Variants in BBS4 observed in about 807,000 individuals in gnomAD.
BBS4 encodes Bardet-Biedl syndrome 4, also known as BBSome complex member BBS4.
BBS4 carries 58 observed loss-of-function variants against 71.4 expected under a neutral mutation model. That is an observed-to-expected ratio of 0.81 (90% CI 0.66 to 1.01). The LOEUF (loss-of-function observed/expected upper bound fraction) is 1.01, where lower values mean the gene tolerates loss of function less well. BBS4 is among the 50% of genes least tolerant of loss of function. The probability of loss-of-function intolerance (pLI) is 0.00; values close to 1 mark genes in which losing one functional copy is unlikely to be tolerated. For missense variants in BBS4, 660 were observed against 607.9 expected (o/e 1.09, Z -0.90); for synonymous variants, 228 against 216.8 (o/e 1.05, Z -0.46).
chr15:72,717,361 T>C (rs2065485396), intron 6 of BBS4: 1 of 153,990 alleles, frequency 6.5e-6, no homozygotes. Context: ...ACAAATTCGT[T>C]TTTGTTTTTT....
intron 3 of BBS4, among the ~76,000 whole-genome samples, chr15:72,710,498 C>T (rs2065350035): frequency 6.6e-6 from 1 of 152,010 alleles, no homozygotes; most frequent in African/African-American, 2.4e-5. Context: ...CCGTGCCCAG[C>T]CCTGAGTTTT....
chr15:72,728,963 T>C (rs886619075), intron 9 of BBS4, among the ~76,000 whole-genome samples: 1 of 152,054 alleles, frequency 6.6e-6, no homozygotes. Flanking sequence ...GCTTGGGAGG[T>C]TGGCTCCACG....
rs184415511 is a variant in BBS4 at position 72,724,671 on chromosome 15, T to A, written c.587+16T>A. ...AAGCAGTGGAGTAAGTGTATCTGTT[T>A]CCTTTAAAACAGTGAGAAACTAAAA... On this transcript the variant is annotated intron_variant, in intron 8 of 15. Transcript: ENST00000268057. 1.9e-6 allele frequency: 3 copies of A among 1,613,682 alleles called. No homozygotes were observed. In the African/African-American group the frequency reaches 4.0e-5, roughly 22 times the overall value.
In BBS4 at chr15:72,731,378, T is replaced by C; in HGVS notation, c.785T>C (p.Val262Ala). 6.2e-7 allele frequency: 1 copy of C among 1,614,182 alleles called. No individual in the cohort carries two copies. The highest frequency in any genetic ancestry group is 1.7e-5 in the Admixed American group (1 of 60,020). The change falls in exon 11 of 16, where the codon GTG becomes GCG. Residue 262 changes from valine to alanine, a missense_variant. Coordinates refer to ENST00000268057, the MANE Select transcript of BBS4 (RefSeq NM_033028.5). ...FDVALTKYRV[V>A]ACAVPESPPL... ...GTTGCCCTCACCAAATACAGAGTTG[T>C]GGCTTGTGCTGTTCCAGAAAGTCCT...
At chr15:72,727,803 T>C in intron 8 of BBS4, 137 bp from the exon 9 acceptor site, 5 of 708,114 alleles carry the variant, frequency 7.1e-6, no homozygotes, top group Non-Finnish European at 1.3e-5. Flanking sequence ...AATTCCCAAA[T>C]TGCCTTCAGG....
In BBS4 at chr15:72,737,653, A is replaced by T; in HGVS notation, c.*66A>T. ...AGGATGTGCTGGATTAGGAAAGGTG[A>T]CATGACACAGGCAGAGCAGAGTGGC... On this transcript the variant is annotated 3_prime_UTR_variant, in exon 16 of 16. Transcript: ENST00000268057. The T allele has an allele frequency of 7.7e-7, 1 of 1,300,604 alleles. No individual in the cohort carries two copies. Among genetic ancestry groups the T allele is most frequent in the Non-Finnish European group, 1.1e-6 (1 of 925,088 alleles). 80.6% of individuals were successfully genotyped at this position (1,300,604 alleles called of 1,614,324 possible). A position where few individuals can be genotyped will look rare whatever the true frequency, so the allele number is the denominator to read the frequency against.
intron 1 of BBS4, among the ~76,000 whole-genome samples, chr15:72,690,956 GAAT>G (rs2064972412): frequency 6.6e-6 from 1 of 152,098 alleles, no homozygotes. Flanking sequence ...TTTCCTTCAT[GAAT>G]AATGATATTG....
At chr15:72,688,878 G>C (rs559596775) in intron 1 of BBS4, among the ~76,000 whole-genome samples, 288 of 152,304 alleles carry the variant, frequency 1.9e-3, no homozygotes, top group African/African-American at 6.7e-3. Flanking sequence ...GATGACTTCA[G>C]ATATTTCCAT....
chr15:72,716,929 G>C, intron 6 of BBS4, 79 bp downstream of exon 6: 1 of 1,017,766 alleles, frequency 9.8e-7, no homozygotes, highest in African/African-American at 1.6e-5. Flanking sequence ...TCTTATTTCT[G>C]AATTCTTACA....
intron 2 of BBS4, among the ~76,000 whole-genome samples, chr15:72,704,229 C>T (rs1204611075): frequency 2.0e-5 from 3 of 152,098 alleles, no homozygotes; most frequent in African/African-American, 7.2e-5. Flanking sequence ...GTCTTCATCT[C>T]GTCAGCTGGC....
intron 6 of BBS4, among the ~76,000 whole-genome samples, chr15:72,719,982 G>A (rs2065537913): frequency 1.3e-5 from 2 of 151,314 alleles, no homozygotes; most frequent in Admixed American, 6.6e-5. Context: ...AGCTCCTGAC[G>A]TTGTGATCCG....
At chr15:72,697,601 A>C (rs563026074) in intron 2 of BBS4, among the ~76,000 whole-genome samples, 1 of 152,312 alleles carries the variant, frequency 6.6e-6, no homozygotes, top group Non-Finnish European at 1.5e-5. Flanking sequence ...AAGTAGTGTA[A>C]TACTTGGAAA....
chr15:72,737,574 T>TAAGAGAGAAATAAGAATA lies in BBS4; in HGVS notation c.1548_*5dup. 6.2e-7 allele frequency: 1 copy of TAAGAGAGAAATAAGAATA among 1,607,096 alleles called. No individual in the cohort carries two copies. The highest frequency in any genetic ancestry group is 1.1e-5 in the South Asian group (1 of 89,470). On this transcript the variant is annotated stop_gained and inframe_insertion, in exon 16 of 16. Coordinates refer to ENST00000268057, the MANE Select transcript of BBS4 (RefSeq NM_033028.5). LOFTEE classifies it high-confidence loss of function. ...AGTCCAACTGAAACATCAGAACAAA[T>TAAGAGAGAAATAAGAATA]AAGAGAGAAATAAGAATAGAATGAA... is the stretch of plus-strand genomic sequence containing the variant.
chr15:72,688,046 CAAAA>C (rs199931617), intron 1 of BBS4, among the ~76,000 whole-genome samples: 2 of 84,956 alleles, frequency 2.4e-5, no homozygotes, highest in Admixed American at 1.3e-4. Context: ...GACTCCGTCT[CAAAA>C]AAAAAAAAAA....
At chr15:72,733,918 C>G (rs529800072) in intron 12 of BBS4, among the ~76,000 whole-genome samples, 1 of 152,174 alleles carries the variant, frequency 6.6e-6, no homozygotes, top group South Asian at 2.1e-4. Flanking sequence ...CTTTTCTCTG[C>G]AGCCTCACCA....
At chr15:72,729,742 G>T in intron 10 of BBS4, 58 bp downstream of exon 10, 1 of 1,445,306 alleles carries the variant, frequency 6.9e-7, no homozygotes, top group Non-Finnish European at 9.7e-7. Context: ...GCTCCTAGAG[G>T]TGATCTGACC....
At position 72,695,195 on chromosome 15, in the gene BBS4, T is replaced by C; in HGVS notation, c.43T>C (p.Ser15Pro). 2 of 1,606,870 alleles carry C rather than the reference T, an allele frequency of 1.2e-6. No individual in the cohort carries two copies. The highest frequency in any genetic ancestry group is 8.5e-7 in the Non-Finnish European group (1 of 1,173,654). Residue 15 changes from serine to proline, a missense_variant, in exon 2 of 16, where the codon TCT becomes CCT. Ser to Pro is a moderately conservative substitution (Grantham distance 74). Transcript: ENST00000268057. Reference protein sequence around the residue: ...RVATRTQFPVSTESQKPRQKK... With the variant: ...RVATRTQFPVPTESQKPRQKK... ...ATTTCAGAGAACTCAATTTCCTGTA[T>C]CTACTGAGTCTCAAAAACCCCGGCA...
intron 3 of BBS4, 113 bp from the exon 4 acceptor site, chr15:72,712,130 GT>G (rs965385713): frequency 5.6e-6 from 5 of 889,890 alleles, no homozygotes; most frequent in African/African-American, 5.0e-5. Flanking sequence ...GTCTCCCAAA[GT>G]TTTGGGATTA....
intron 1 of BBS4, among the ~76,000 whole-genome samples, chr15:72,687,344 C>T (rs1485052248): frequency 6.6e-6 from 1 of 152,016 alleles, no homozygotes; most frequent in Non-Finnish European, 1.5e-5. Context: ...TGCATCACGC[C>T]TGTAATCCCA....
Sources: gnomAD v4.1 joint callset for allele counts (sites outside exome capture counted in the v4.1 genomes callset) on GRCh38, gnomAD v4.1.1 for gene constraint, MANE v1.5 for transcripts, NCBI Gene and HGNC (gene_info 2026-07-23, HGNC 2026-07-21) for gene names.